The following SOX6 variants were observed in gnomAD, a reference collection of about 807,000 sequenced individuals.
The protein encoded by SOX6 is SRY-box transcription factor 6.
In SOX6, 11 loss-of-function variants were observed where a neutral mutation model predicts 97.8. That is an observed-to-expected ratio of 0.11 (90% CI 0.07 to 0.19). SOX6 has a LOEUF of 0.19. SOX6 is among the 10% of genes least tolerant of loss of function. SOX6 has a pLI of 1.00. For synonymous variants in SOX6, 360 were observed against 371.4 expected, an observed-to-expected ratio of 0.97 and a Z score of 0.35; for missense variants, 810 against 1,039.5, an observed-to-expected ratio of 0.78 and a Z score of 3.04.
At chr11:16,132,366 GAA>G (rs1272843069) in intron 6 of SOX6, among the ~76,000 whole-genome samples, 1 of 80,956 alleles carries the variant, frequency 1.2e-5, no homozygotes, top group African/African-American at 5.4e-5. Context: ...AAGAAAGAAA[GAA>G]AGAAAGAAAG....
intron 4 of SOX6, among the ~76,000 whole-genome samples, chr11:16,540,528 ATT>A (rs1273896833): frequency 1.3e-5 from 2 of 152,154 alleles, no homozygotes; most frequent in Non-Finnish European, 2.9e-5. Context: ...AGGAAGTCAA[ATT>A]GTCTCCGTTT....
chr11:16,173,326 G>T (rs939192313), intron 6 of SOX6, among the ~76,000 whole-genome samples: 1 of 151,756 alleles, frequency 6.6e-6, no homozygotes, highest in African/African-American at 2.4e-5. Context: ...TAAGCTCCTG[G>T]GGGGTTTCTT....
chr11:16,702,388 T>G (rs1289477385), intron 3 of SOX6, among the ~76,000 whole-genome samples: 1 of 152,206 alleles, frequency 6.6e-6, no homozygotes, highest in African/African-American at 2.4e-5. Context: ...CAGATTTTTT[T>G]AATCGTCTAC....
chr11:16,350,278 G>A (rs147740389), intron 1 of SOX6, among the ~76,000 whole-genome samples: 44 of 152,260 alleles, frequency 2.9e-4, no homozygotes, highest in African/African-American at 9.4e-4. Flanking sequence ...GTTGAACATC[G>A]GTGGCTAAAT....
chr11:16,043,460 C>T lies in SOX6; in HGVS notation c.1623+3054G>A, dbSNP rs138329868. 2.2e-3 allele frequency among the ~76,000 whole-genome samples: 329 copies of T among 152,258 alleles called. 1 individual carries two copies. Among genetic ancestry groups the T allele is most frequent in the Middle Eastern group, 3.4e-3 (1 of 294 alleles). Reference sequence around the variant, plus strand: ...GACACATCGACACAGTCGACAATGACTCCACTGGTGCCGTGCTGGCCAATC... The same window carrying T: ...GACACATCGACACAGTCGACAATGATTCCACTGGTGCCGTGCTGGCCAATC... On this transcript the variant is annotated intron_variant, in intron 12 of 15. Transcript: ENST00000683767.
chr11:16,579,360 G>A lies in SOX6; in HGVS notation n.609+32721C>T, dbSNP rs553088827. ...AGGTACTTGATGAGTTTTTATATACGTATTCTCCCATATAATCACCACCCA... is the reference window on the plus strand; with the variant it reads ...AGGTACTTGATGAGTTTTTATATACATATTCTCCCATATAATCACCACCCA... On this transcript the variant is annotated intron_variant and non_coding_transcript_variant, in intron 4 of 5. Coordinates refer to the SOX6 transcript ENST00000524520. 7.3e-5 allele frequency among the ~76,000 whole-genome samples: 11 copies of A among 151,508 alleles called. No individual in the cohort carries two copies. In the South Asian group the frequency reaches 8.4e-4, roughly 12 times the overall value.
chr11:16,322,659 G>A (rs1855962587), intron 2 of SOX6, among the ~76,000 whole-genome samples: 1 of 152,194 alleles, frequency 6.6e-6, no homozygotes, highest in South Asian at 2.1e-4. Context: ...AGAATTATCT[G>A]GCAAGTGTGT....
intron 9 of SOX6, among the ~76,000 whole-genome samples, chr11:16,068,780 G>A (rs766103069): frequency 2.0e-4 from 30 of 152,068 alleles, no homozygotes; most frequent in African/African-American, 2.4e-4. Context: ...TCCTTGAAGC[G>A]TTATCTGACT....
chr11:16,029,469 C>T (rs1192660304), intron 12 of SOX6, among the ~76,000 whole-genome samples: 1 of 152,064 alleles, frequency 6.6e-6, no homozygotes, highest in South Asian at 2.1e-4. Flanking sequence ...AACCCCATCT[C>T]TACTACAAAT....
At chr11:16,591,286 C>A (rs1287989341) in intron 4 of SOX6, among the ~76,000 whole-genome samples, 2 of 147,256 alleles carry the variant, frequency 1.4e-5, no homozygotes, top group African/African-American at 5.0e-5. Context: ...GTGTGTGTTA[C>A]CAAACACATA....
intron 3 of SOX6, among the ~76,000 whole-genome samples, chr11:16,671,394 A>T (rs1369278798): frequency 6.6e-6 from 1 of 152,228 alleles, no homozygotes; most frequent in Non-Finnish European, 1.5e-5. Context: ...AGAAAACAAG[A>T]ATTGCAATAA....
intron 4 of SOX6, chr11:16,484,543 G>C (rs10832616): frequency 2.6e-6 from 2 of 775,706 alleles, no homozygotes; most frequent in Admixed American, 3.4e-5. Context: ...GGGCACAGTC[G>C]AGATGGCAGT....
At chr11:16,473,212 T>C (rs770863880) in intron 1 of SOX6, among the ~76,000 whole-genome samples, 12 of 152,210 alleles carry the variant, frequency 7.9e-5, no homozygotes, top group Non-Finnish European at 8.8e-5. Flanking sequence ...TGCCTTAGTA[T>C]AGGCGTGCCT....
chr11:16,120,565 T>C (rs1399998866), intron 6 of SOX6, among the ~76,000 whole-genome samples: 1 of 148,534 alleles, frequency 6.7e-6, no homozygotes, highest in Non-Finnish European at 1.5e-5. Flanking sequence ...ACTTCACATA[T>C]ATATATATAT....
intron 3 of SOX6, among the ~76,000 whole-genome samples, chr11:16,306,222 C>T (rs916104868): frequency 1.4e-4 from 22 of 152,176 alleles, no homozygotes; most frequent in African/African-American, 5.1e-4. Context: ...TGGGGGAAAC[C>T]GGGCAAAAGG....
chr11:16,132,319 GA>G (rs1849775912), intron 6 of SOX6, among the ~76,000 whole-genome samples: 2 of 92,908 alleles, frequency 2.2e-5, no homozygotes, highest in African/African-American at 8.2e-5. Context: ...AGGAAGGAAG[GA>G]AGGAAGGAAG....
At chr11:16,366,722 C>T (rs1450180748) in intron 1 of SOX6, among the ~76,000 whole-genome samples, 1 of 152,056 alleles carries the variant, frequency 6.6e-6, no homozygotes, top group Non-Finnish European at 1.5e-5. Context: ...AACACTGAAG[C>T]ATTTCTTACA....
chr11:16,620,647 T>C (rs1048874143), intron 3 of SOX6, among the ~76,000 whole-genome samples: 2 of 152,206 alleles, frequency 1.3e-5, no homozygotes, highest in Non-Finnish European at 2.9e-5. Flanking sequence ...AATAAAACTA[T>C]ATATGTCTAC....
intron 1 of SOX6, among the ~76,000 whole-genome samples, chr11:16,364,719 A>T (rs1208465302): frequency 2.6e-5 from 4 of 152,178 alleles, no homozygotes; most frequent in Admixed American, 2.6e-4. Context: ...TGCTAGTATT[A>T]TCACTCAGAA....
Sources: gnomAD v4.1 joint callset for allele counts (sites outside exome capture counted in the v4.1 genomes callset) on GRCh38, gnomAD v4.1.1 for gene constraint, MANE v1.5 for transcripts, NCBI Gene and HGNC (gene_info 2026-07-23, HGNC 2026-07-21) for gene names.